Variants in MCOLN1 observed in about 807,000 individuals in gnomAD.
MCOLN1 encodes mucolipin TRP cation channel 1.
In MCOLN1, 50 loss-of-function variants were observed where a neutral mutation model predicts 70.3. The ratio of observed to expected loss-of-function variants is 0.71; its 90% CI spans 0.57 to 0.90. MCOLN1 has a LOEUF of 0.90. Among genes scored for constraint, MCOLN1 ranks in the 40% least tolerant of loss-of-function variants. The probability of loss-of-function intolerance (pLI) is 0.00; values close to 1 mark genes in which losing one functional copy is unlikely to be tolerated. For missense variants in MCOLN1, 598 were observed against 803.5 expected, an observed-to-expected ratio of 0.74 and a Z score of 3.09; for synonymous variants, 366 against 341.0, an observed-to-expected ratio of 1.07 and a Z score of -0.81.
In MCOLN1 at chr19:7,522,779, C is replaced by G; in HGVS notation, c.29C>G (p.Ser10Ter). ...ACAGCCCCGGCGGGTCCGCGCGGCT[C>G]AGGTGAGGGCGCGGGCGGCACCGTG... Reference protein sequence around the residue: MTAPAGPRGSETERLLTPNP... With the variant: MTAPAGPRG The change falls in exon 1 of 14, where the codon TCA (serine) becomes TGA (stop). Residue 10 changes from serine to a stop codon, truncating the protein, a stop_gained and splice_region_variant. Coordinates refer to ENST00000264079, the MANE Select transcript of MCOLN1 (RefSeq NM_020533.3). LOFTEE classifies it high-confidence loss of function. 7.3e-7 allele frequency: 1 copy of G among 1,368,572 alleles called. No homozygotes were observed. Among genetic ancestry groups the G allele is most frequent in the Non-Finnish European group, 9.4e-7 (1 of 1,066,624 alleles). 84.8% of individuals were successfully genotyped at this position (1,368,572 alleles called of 1,614,324 possible). A position where few individuals can be genotyped will look rare whatever the true frequency, so the allele number is the denominator to read the frequency against.
chr19:7,528,543 G>T lies in MCOLN1; in HGVS notation c.878-54G>T, dbSNP rs1202604599. 6.8e-6 allele frequency: 11 copies of T among 1,610,112 alleles called. No individual in the cohort carries two copies. Among genetic ancestry groups the T allele is most frequent in the African/African-American group, 1.3e-5 (1 of 74,842 alleles). Reference sequence around the variant, plus strand: ...CCAGCCTGGCCTGGCACCAATGCTAGCCTCCCAAGGCTCCATGCCATCCTT... The same window carrying T: ...CCAGCCTGGCCTGGCACCAATGCTATCCTCCCAAGGCTCCATGCCATCCTT... On this transcript the variant is annotated intron_variant, in intron 7 of 13. Transcript: ENST00000264079. This position sits in a 1 kb window ranked among gnomAD's most constrained non-coding sequence, Gnocchi z 4.2.
intron 4 of MCOLN1, chr19:7,527,196 C>T (rs901894056): frequency 3.2e-5 from 17 of 536,378 alleles, no homozygotes; most frequent in African/African-American, 3.0e-4. Context: ...CGCTTGAGTC[C>T]GGGAGGTTGA....
rs1217132484 is a variant in MCOLN1, at chr19:7,526,492, C to T, written c.291C>T (p.Asn97=). 6.2e-7 allele frequency: 1 copy of T among 1,614,252 alleles called. No individual in the cohort carries two copies. The highest frequency in any genetic ancestry group is 8.5e-7 in the Non-Finnish European group (1 of 1,180,042). The change falls in exon 3 of 14, where the codon AAC becomes AAT. Residue 97 remains asparagine, a synonymous_variant. Transcript: ENST00000264079. This position sits in a 1 kb window ranked among gnomAD's most constrained non-coding sequence, Gnocchi z 4.6. The stretch of plus-strand genomic sequence containing the variant: ...TGGCTGTGACATTCCGGGAAGAGAA[C>T]ACCATCGCCTTCCGACACCTCTTCC... ...NQLAVTFREE[N]TIAFRHLFLL... is the part of the protein sequence containing the mutation.
chr19:7,530,426 C>A lies in MCOLN1; in HGVS notation c.1500C>A (p.Ser500=). ...VWLFSQLYLY[S]FISLFIYMVL... Reference sequence around the variant, plus strand: ...TCTTCTCCCAGCTCTACCTTTACTCCTTCATCAGCCTCTTCATCTACATGG... The same window carrying A: ...TCTTCTCCCAGCTCTACCTTTACTCATTCATCAGCCTCTTCATCTACATGG... The change falls in exon 12 of 14, where the codon TCC becomes TCA. Residue 500 remains serine (S), a synonymous_variant. Transcript: ENST00000264079. 1 of 1,613,536 alleles carries A rather than the reference C, an allele frequency of 6.2e-7. No homozygotes were observed. The highest frequency in any genetic ancestry group is 8.5e-7 in the Non-Finnish European group (1 of 1,180,038).
chr19:7,529,506 G>GGGGGCCCC, intron 10 of MCOLN1, 84 bp from the exon 11 acceptor site: 6 of 280,228 alleles, frequency 2.1e-5, no homozygotes, highest in Non-Finnish European at 3.8e-5. Flanking sequence ...GCAAGGCCCC[G>GGGGGCCCC]CCCCTCCCAC....
At chr19:7,533,489 C>A in intron 12 of MCOLN1, 34 bp from the exon 13 acceptor site, 1 of 1,609,706 alleles carries the variant, frequency 6.2e-7, no homozygotes, top group Non-Finnish European at 8.5e-7. Flanking sequence ...TTGGGAGCCA[C>A]TTTCAGGCTG....
At chr19:7,529,517 C>CCCCATCTGGGGG in intron 10 of MCOLN1, 73 bp from the exon 11 acceptor site, 1 of 1,313,004 alleles carries the variant, frequency 7.6e-7, no homozygotes, top group South Asian at 1.2e-5. Flanking sequence ...CCCCTCCCAC[C>CCCCATCTGGGGG]CCCATCTGGG....
Position 7,526,335 on chromosome 19 carries a change from A to T in MCOLN1, c.238-104A>T. ...GCAGGGCCCTGCCCCACCCCAGTGG[A>T]CATCTGCAGGGCCCTCCCTGTCCTC... On this transcript the variant is annotated intron_variant, in intron 2 of 13. Coordinates refer to ENST00000264079, the MANE Select transcript of MCOLN1 (RefSeq NM_020533.3). This position sits in a 1 kb window ranked among gnomAD's most constrained non-coding sequence, Gnocchi z 4.6. 7.4e-7 allele frequency: 1 copy of T among 1,344,716 alleles called. No individual in the cohort carries two copies. Among genetic ancestry groups the T allele is most frequent in the Non-Finnish European group, 1.1e-6 (1 of 936,178 alleles). The allele number at this position is 1,344,716 out of a possible 1,614,324, so 83.3% of individuals were successfully genotyped here.
intron 10 of MCOLN1, 144 bp from the exon 11 acceptor site, chr19:7,529,445 GC>G: frequency 9.1e-7 from 1 of 1,103,256 alleles, no homozygotes; most frequent in Non-Finnish European, 1.3e-6. Flanking sequence ...ACGTGGCCAC[GC>G]CCCCTCTAGG....
Position 7,522,688 on chromosome 19 carries a change from G to C in MCOLN1, c.-63G>C. On this transcript the variant is annotated 5_prime_UTR_variant, in exon 1 of 14. Transcript: ENST00000264079. ...GAGGGAGCGAGGTCGCAGTGACAGC[G>C]GCGGGCGATCGGACCCAGGCTGCCC... The C allele has an allele frequency of 2.1e-6, 3 of 1,424,996 alleles. No homozygotes were observed. Among genetic ancestry groups the C allele is most frequent in the South Asian group, 2.8e-5 (2 of 70,184 alleles). The allele number at this position is 1,424,996 out of a possible 1,614,324, so 88.3% of individuals were successfully genotyped here.
At chr19:7,523,776 G>C (rs779413603) in intron 1 of MCOLN1, among the ~76,000 whole-genome samples, 4 of 152,186 alleles carry the variant, frequency 2.6e-5, no homozygotes, top group Non-Finnish European at 5.9e-5. Context: ...TTGCTGAAGA[G>C]GTCTTTATCT....
At position 7,528,226 on chromosome 19, in the gene MCOLN1, G is replaced by A. The variant is rs2022600463; in HGVS notation, c.846G>A (p.Gln282=). 6.2e-7 allele frequency: 1 copy of A among 1,614,136 alleles called. No individual in the cohort carries two copies. The highest frequency in any genetic ancestry group is 8.5e-7 in the Non-Finnish European group (1 of 1,179,990). ...GCCTGGAGACCCAGGCCCACATCCAGGAGTGTAAGCACCCCAGTGTCTTCC... is the reference window on the plus strand; with the variant it reads ...GCCTGGAGACCCAGGCCCACATCCAAGAGTGTAAGCACCCCAGTGTCTTCC... ...PISLETQAHI[Q]ECKHPSVFQH... Residue 282 remains glutamine, a synonymous_variant, in exon 7 of 14, where the codon CAG becomes CAA. Transcript: ENST00000264079. The surrounding 1 kb of genome is among the most constrained non-coding windows in gnomAD (Gnocchi z 4.2).
chr19:7,522,756 A>G lies in MCOLN1; in HGVS notation c.6A>G (p.Thr2=), dbSNP rs2146019165. The G allele has an allele frequency of 1.4e-6, 2 of 1,433,892 alleles. No homozygotes were observed. Among genetic ancestry groups the G allele is most frequent in the South Asian group, 1.4e-5 (1 of 71,066 alleles). 88.8% of individuals were successfully genotyped at this position (1,433,892 alleles called of 1,614,324 possible). A position where few individuals can be genotyped will look rare whatever the true frequency, so the allele number is the denominator to read the frequency against. The part of the protein sequence containing the change: M[T]APAGPRGSET... ...TCCCGCGCTCCCGCCCCAGCATGAC[A>G]GCCCCGGCGGGTCCGCGCGGCTCAG... The change falls in exon 1 of 14, where the codon ACA becomes ACG. Residue 2 remains threonine, a synonymous_variant. Transcript: ENST00000264079.
chr19:7,528,323 C>T lies in MCOLN1; in HGVS notation c.877+66C>T, dbSNP rs938011842. On this transcript the variant is annotated intron_variant, in intron 7 of 13. Transcript: ENST00000264079. The surrounding 1 kb of genome is among the most constrained non-coding windows in gnomAD (Gnocchi z 4.2). ...TGGCCTGTCCTGGGATTCCCCAAGC[C>T]CCAGATCAGCGCTGCCTGGGGGCCG... The T allele has an allele frequency of 2.7e-6, 4 of 1,492,686 alleles. No homozygotes were observed. In the African/African-American group the frequency reaches 5.5e-5, roughly 21 times the overall value. 92.5% of individuals were successfully genotyped at this position (1,492,686 alleles called of 1,614,324 possible).
intron 12 of MCOLN1, among the ~76,000 whole-genome samples, chr19:7,532,928 A>G (rs1228394783): frequency 1.3e-5 from 2 of 152,152 alleles, no homozygotes; most frequent in African/African-American, 4.8e-5. Flanking sequence ...GGAATAGCTA[A>G]AGCAAAGGTC....
chr19:7,527,899 C>T lies in MCOLN1; in HGVS notation c.716C>T (p.Thr239Ile), dbSNP rs150109974. The T allele has an allele frequency of 3.7e-6, 6 of 1,614,164 alleles. No individual in the cohort carries two copies. Among genetic ancestry groups the T allele is most frequent in the Non-Finnish European group, 5.1e-6 (6 of 1,180,006 alleles). ...VNVTIHFRLKTINLQSLINNE... is the reference protein window; with the variant it reads ...VNVTIHFRLKIINLQSLINNE... ...GTCACCATCCACTTCCGGCTGAAGA[C>T]CATTAACCTCCAGAGCCTCATCAAT... Residue 239 changes from threonine (T) to isoleucine (I), a missense_variant, in exon 6 of 14, where the codon ACC becomes ATC. Coordinates refer to ENST00000264079, the MANE Select transcript of MCOLN1 (RefSeq NM_020533.3).
At position 7,525,013 on chromosome 19, in the gene MCOLN1, T is replaced by C. The variant is rs761750616; in HGVS notation, c.84T>C (p.Pro28=). Residue 28 remains proline, a synonymous_variant, in exon 2 of 14, where the codon CCT becomes CCC. Transcript: ENST00000264079. The surrounding 1 kb of genome is among the most constrained non-coding windows in gnomAD (Gnocchi z 4.2). Reference sequence around the variant, plus strand: ...CCGGGTATGGGACCCAGGCGGGGCCTTCACCGGCCCCTCCGACACCCCCAG... The same window carrying C: ...CCGGGTATGGGACCCAGGCGGGGCCCTCACCGGCCCCTCCGACACCCCCAG... ...PNPGYGTQAG[P]SPAPPTPPEE... The C allele has an allele frequency of 1.2e-6, 2 of 1,613,722 alleles. No individual in the cohort carries two copies. Among genetic ancestry groups the C allele is most frequent in the South Asian group, 1.1e-5 (1 of 91,070 alleles).
intron 9 of MCOLN1, 48 bp from the exon 10 acceptor site, chr19:7,529,053 C>G (rs773872169): frequency 3.1e-6 from 5 of 1,613,296 alleles, no homozygotes; most frequent in Non-Finnish European, 4.2e-6. Context: ...CCCAGGCCCC[C>G]CAAAGGAAGG....
chr19:7,533,316 A>G, intron 12 of MCOLN1: 1 of 642,220 alleles, frequency 1.6e-6, no homozygotes, highest in South Asian at 1.9e-5. Context: ...ACAGACTGGC[A>G]AAGACACAGC....
Sources: gnomAD v4.1 joint callset for allele counts (sites outside exome capture counted in the v4.1 genomes callset) on GRCh38, gnomAD v4.1.1 for gene constraint, Gnocchi (gnomAD v3.1) non-coding constraint, MANE v1.5 for transcripts, NCBI Gene and HGNC (gene_info 2026-07-23, HGNC 2026-07-21) for gene names.